Variants in SCLT1 observed in about 807,000 individuals in gnomAD.
SCLT1 encodes sodium channel and clathrin linker 1, also known as sodium channel-associated protein 1.
In SCLT1, 78 loss-of-function variants were observed where a neutral mutation model predicts 112.8. The observed-to-expected ratio is 0.69, with a 90% CI of 0.58 to 0.83. The LOEUF is 0.83. SCLT1 is among the 40% of genes least tolerant of loss of function. The pLI is 0.00. For missense variants in SCLT1, 747 were observed against 770.4 expected (o/e 0.97, Z 0.36); for synonymous variants, 257 against 254.7 (o/e 1.01, Z -0.09).
chr4:129,087,374 T>C (rs949323367), intron 1 of SCLT1, among the ~76,000 whole-genome samples: 1 of 152,064 alleles, frequency 6.6e-6, no homozygotes, highest in Non-Finnish European at 1.5e-5. Context: ...GAAGAAATAA[T>C]ATCATTTTAT....
At chr4:129,016,693 C>T (rs1245202652) in intron 5 of SCLT1, among the ~76,000 whole-genome samples, 1 of 152,156 alleles carries the variant, frequency 6.6e-6, no homozygotes, top group Non-Finnish European at 1.5e-5. Flanking sequence ...AAGCTCACCT[C>T]AGTTTTTAAA....
chr4:128,962,419 C>A (rs1431188797), intron 11 of SCLT1, among the ~76,000 whole-genome samples: 2 of 152,162 alleles, frequency 1.3e-5, no homozygotes. Context: ...ACTCAAATAT[C>A]TGCCTCAAAT....
At chr4:129,020,178 C>A (rs1745340429) in intron 5 of SCLT1, among the ~76,000 whole-genome samples, 1 of 152,202 alleles carries the variant, frequency 6.6e-6, no homozygotes, top group Non-Finnish European at 1.5e-5. Context: ...TTCTGAAAAT[C>A]ATTGAGAATG....
intron 9 of SCLT1, among the ~76,000 whole-genome samples, chr4:128,973,048 A>T (rs1055476406): frequency 6.6e-6 from 1 of 151,620 alleles, no homozygotes; most frequent in Non-Finnish European, 1.5e-5. Flanking sequence ...TTCTAAACAC[A>T]TCCTTGTTTC....
intron 18 of SCLT1, among the ~76,000 whole-genome samples, chr4:128,900,276 ATAC>A (rs1223557865): frequency 6.6e-6 from 1 of 152,232 alleles, no homozygotes; most frequent in Non-Finnish European, 1.5e-5. Flanking sequence ...ACTTCAAACT[ATAC>A]TACAAGGCTA....
intron 9 of SCLT1, among the ~76,000 whole-genome samples, chr4:128,988,479 A>G (rs1403565436): frequency 6.6e-6 from 1 of 151,956 alleles, no homozygotes; most frequent in Admixed American, 6.6e-5. Flanking sequence ...AAAACCTATA[A>G]TAGATACAAA....
chr4:129,013,312 T>C (rs930061102), intron 5 of SCLT1, among the ~76,000 whole-genome samples: 4 of 152,214 alleles, frequency 2.6e-5, no homozygotes, highest in African/African-American at 9.6e-5. Context: ...CCCATTTACA[T>C]TCAAGGTTGG....
intron 2 of SCLT1, among the ~76,000 whole-genome samples, chr4:129,066,705 T>C (rs1250430397): frequency 6.6e-6 from 1 of 152,058 alleles, no homozygotes; most frequent in Non-Finnish European, 1.5e-5. Flanking sequence ...TTACAGTACA[T>C]AAACTGGTAA....
chr4:129,023,920 G>A (rs562187253), intron 5 of SCLT1, among the ~76,000 whole-genome samples: 4 of 152,328 alleles, frequency 2.6e-5, no homozygotes, highest in South Asian at 2.1e-4. Flanking sequence ...CTACGCCCAC[G>A]GAGTCTCGCT....
chr4:128,938,730 C>G (rs1737421120), intron 17 of SCLT1, among the ~76,000 whole-genome samples: 1 of 152,036 alleles, frequency 6.6e-6, no homozygotes, highest in East Asian at 1.9e-4. Flanking sequence ...GCCTGTAATC[C>G]CAGCATTTTG....
chr4:128,896,968 T>C (rs1357828949), intron 18 of SCLT1, among the ~76,000 whole-genome samples: 1 of 150,948 alleles, frequency 6.6e-6, no homozygotes, highest in Non-Finnish European at 1.5e-5. Flanking sequence ...AAGAGAAGTT[T>C]AGAGAAAAAA....
rs779357435 is a variant in SCLT1, at chr4:128,946,006, C to G, written c.1439+1G>C. On this transcript the variant is annotated splice_donor_variant, in intron 16 of 20. Transcript: ENST00000281142. LOFTEE classifies it high-confidence loss of function. ...ATAGAAAATCCAAAAGAAAAACTTA[C>G]TCAGTTTCAAGTTGTTTTATTCTAT... The G allele has an allele frequency of 6.3e-7, 1 of 1,592,142 alleles. No individual in the cohort carries two copies. The highest frequency in any genetic ancestry group is 8.6e-7 in the Non-Finnish European group (1 of 1,167,020).
intron 18 of SCLT1, among the ~76,000 whole-genome samples, chr4:128,934,112 T>C (rs80243070): frequency 0.013 from 1,905 of 152,122 alleles, 50 homozygotes; most frequent in African/African-American, 0.044. Context: ...AACATTTATA[T>C]AGTTCCAAAA....
intron 18 of SCLT1, among the ~76,000 whole-genome samples, chr4:128,924,694 A>G (rs1197999958): frequency 6.6e-6 from 1 of 151,858 alleles, no homozygotes; most frequent in East Asian, 1.9e-4. Context: ...TTCCTTTTTT[A>G]TGCTTAGGTC....
chr4:129,093,532 C>T lies in SCLT1; in HGVS notation c.-429G>A. 5.8e-6 allele frequency: 1 copy of T among 173,896 alleles called. No homozygotes were observed. The highest frequency in any genetic ancestry group is 1.2e-5 in the Non-Finnish European group (1 of 81,174). 10.8% of individuals were successfully genotyped at this position (173,896 alleles called of 1,614,324 possible). A position where few individuals can be genotyped will look rare whatever the true frequency, so the allele number is the denominator to read the frequency against. On this transcript the variant is annotated 5_prime_UTR_variant, in exon 1 of 21. Coordinates refer to ENST00000281142, the MANE Select transcript of SCLT1 (RefSeq NM_144643.4). ...CGGCTGGGAAGCCCCAGGCCAGCAG[C>T]GGAAGTCCACTCGGCCCGCCCTGCG... is the stretch of plus-strand genomic sequence containing the variant.
chr4:129,019,421 C>T (rs1488304151), intron 5 of SCLT1, among the ~76,000 whole-genome samples: 1 of 152,168 alleles, frequency 6.6e-6, no homozygotes, highest in Non-Finnish European at 1.5e-5. Flanking sequence ...TAACCTTTGA[C>T]AAGCCATTGA....
At chr4:128,975,124 C>T (rs1051253993) in intron 9 of SCLT1, among the ~76,000 whole-genome samples, 8 of 141,296 alleles carry the variant, frequency 5.7e-5, no homozygotes, top group Non-Finnish European at 1.0e-4. Context: ...CTGCAAGCTC[C>T]GCCTCCTGGG....
chr4:129,007,993 T>C (rs1744181186), intron 5 of SCLT1, among the ~76,000 whole-genome samples: 2 of 152,304 alleles, frequency 1.3e-5, no homozygotes, highest in East Asian at 1.9e-4. Flanking sequence ...CTATTTCTAA[T>C]GGATAATGTA....
intron 2 of SCLT1, among the ~76,000 whole-genome samples, chr4:129,045,693 G>A (rs1473792721): frequency 1.3e-5 from 2 of 151,998 alleles, no homozygotes; most frequent in Non-Finnish European, 2.9e-5. Flanking sequence ...AAAAGCATCT[G>A]TAATGTTCTG....
Sources: allele counts gnomAD v4.1 joint callset (sites outside exome capture counted in the v4.1 genomes callset), GRCh38; gene constraint gnomAD v4.1.1; transcripts MANE v1.5; gene names NCBI Gene and HGNC (gene_info 2026-07-23, HGNC 2026-07-21).